The following DNAH11 variants were observed in gnomAD, a reference collection of about 807,000 sequenced individuals.
The protein encoded by DNAH11 is axonemal beta dynein heavy chain 11.
A neutral mutation model predicts 526.0 loss-of-function variants in DNAH11; 442 were observed. The ratio of observed to expected loss-of-function variants is 0.84; its 90% CI spans 0.78 to 0.91. The LOEUF (loss-of-function observed/expected upper bound fraction) is 0.91, where lower values mean the gene tolerates loss of function less well. Ranked by LOEUF, DNAH11 falls within the 40% of genes least tolerant of loss-of-function variation. The probability of loss-of-function intolerance (pLI) is 0.00; values close to 1 mark genes in which losing one functional copy is unlikely to be tolerated. For synonymous variants in DNAH11, 2,461 were observed against 1,935.9 expected, an observed-to-expected ratio of 1.27 and a Z score of -7.12; for missense variants, 6,989 against 5,448.7, an observed-to-expected ratio of 1.28 and a Z score of -8.90.
chr7:21,823,029 A>G (rs1390643812), intron 65 of DNAH11, among the ~76,000 whole-genome samples: 1 of 135,370 alleles, frequency 7.4e-6, no homozygotes, highest in Non-Finnish European at 1.5e-5. Context: ...TTAATCCTTG[A>G]TCAGAAGGAT....
intron 66 of DNAH11, among the ~76,000 whole-genome samples, chr7:21,852,100 C>G (rs12700312): frequency 0.56 from 84,925 of 151,512 alleles, 25,657 homozygotes; most frequent in Non-Finnish European, 0.69. Context: ...ATTAAGGAAA[C>G]TCTGGTTTAA....
intron 28 of DNAH11, among the ~76,000 whole-genome samples, chr7:21,644,284 A>G (rs940482822): frequency 3.3e-5 from 5 of 150,626 alleles, no homozygotes; most frequent in South Asian, 2.1e-4. Flanking sequence ...TTTTATGCAG[A>G]GCTTCCATTT....
At chr7:21,745,876 T>A (rs775496535) in intron 51 of DNAH11, among the ~76,000 whole-genome samples, 4 of 152,104 alleles carry the variant, frequency 2.6e-5, no homozygotes, top group Non-Finnish European at 5.9e-5. Flanking sequence ...GTGCTAAGCA[T>A]GGAAAGATCT....
intron 28 of DNAH11, among the ~76,000 whole-genome samples, chr7:21,644,153 T>G (rs1182823800): frequency 6.6e-6 from 1 of 152,188 alleles, no homozygotes; most frequent in South Asian, 2.1e-4. Flanking sequence ...TAATAGACTG[T>G]AAATATTGGC....
chr7:21,605,857 A>G (rs1266378391), intron 18 of DNAH11, among the ~76,000 whole-genome samples: 1 of 152,196 alleles, frequency 6.6e-6, no homozygotes, highest in African/African-American at 2.4e-5. Context: ...AAAGATTTCC[A>G]TGGATTCTGA....
chr7:21,876,794 C>T (rs1197493732), intron 74 of DNAH11, among the ~76,000 whole-genome samples: 2 of 152,230 alleles, frequency 1.3e-5, no homozygotes, highest in African/African-American at 4.8e-5. Context: ...CTTTGTTGTG[C>T]AAGTGCTTCC....
intron 30 of DNAH11, among the ~76,000 whole-genome samples, chr7:21,668,959 G>T (rs1345297005): frequency 1.3e-5 from 2 of 152,182 alleles, no homozygotes; most frequent in African/African-American, 2.4e-5. Flanking sequence ...CCGAATTTCA[G>T]TTGCTTTATA....
At chr7:21,871,288 T>C (rs1783486048) in intron 73 of DNAH11, among the ~76,000 whole-genome samples, 1 of 152,210 alleles carries the variant, frequency 6.6e-6, no homozygotes, top group African/African-American at 2.4e-5. Flanking sequence ...AAAATGACCA[T>C]TTTTCATGCA....
intron 69 of DNAH11, among the ~76,000 whole-genome samples, chr7:21,862,239 G>T (rs182786734): frequency 6.6e-6 from 1 of 151,716 alleles, no homozygotes; most frequent in South Asian, 2.1e-4. Flanking sequence ...GAGTGGGGCC[G>T]GTGGGGTGGG....
At chr7:21,643,496 G>T (rs984430422) in intron 28 of DNAH11, among the ~76,000 whole-genome samples, 1 of 152,198 alleles carries the variant, frequency 6.6e-6, no homozygotes, top group African/African-American at 2.4e-5. Context: ...CTGTCAACGT[G>T]ATTGGCTCTA....
intron 6 of DNAH11, among the ~76,000 whole-genome samples, chr7:21,566,594 A>G (rs1334823962): frequency 8.9e-6 from 1 of 112,234 alleles, no homozygotes; most frequent in Non-Finnish European, 1.9e-5. Flanking sequence ...TAGTAGCTTC[A>G]TTTTATAATG....
At chr7:21,855,519 A>G (rs536574599) in intron 68 of DNAH11, among the ~76,000 whole-genome samples, 2 of 152,354 alleles carry the variant, frequency 1.3e-5, no homozygotes, top group East Asian at 1.9e-4. Flanking sequence ...TTACATCTCA[A>G]TAAAGAATAT....
Position 21,749,723 on chromosome 7 carries a change from C to T in DNAH11, c.8719C>T (p.Pro2907Ser). The T allele has an allele frequency of 1.2e-6, 2 of 1,613,978 alleles. No individual in the cohort carries two copies. The highest frequency in any genetic ancestry group is 1.7e-6 in the Non-Finnish European group (2 of 1,179,862). Residue 2907 changes from proline (P) to serine (S), a missense_variant, in exon 53 of 82, where the codon CCC becomes TCC. Transcript: ENST00000409508. ...LYIRTGAKNM[P>S]TVFLLTDAQV... The stretch of plus-strand genomic sequence containing the variant: ...CATCCGAACTGGAGCCAAGAACATG[C>T]CCACTGTGTTCCTGCTGACAGATGC...
At chr7:21,601,946 C>T (rs1460827163) in intron 18 of DNAH11, among the ~76,000 whole-genome samples, 1 of 151,704 alleles carries the variant, frequency 6.6e-6, no homozygotes. Context: ...CATCATTTTT[C>T]ACACATGAAA....
intron 35 of DNAH11, among the ~76,000 whole-genome samples, chr7:21,696,260 A>T (rs1461257475): frequency 6.6e-6 from 1 of 151,992 alleles, no homozygotes; most frequent in African/African-American, 2.4e-5. Flanking sequence ...ACCATATTTC[A>T]TTTGTATTTT....
At chr7:21,854,923 T>C (rs950376822) in intron 68 of DNAH11, among the ~76,000 whole-genome samples, 14 of 152,166 alleles carry the variant, frequency 9.2e-5, no homozygotes, top group Admixed American at 9.2e-4. Context: ...GCAAAATTCT[T>C]ATTCTCAGGA....
intron 44 of DNAH11, among the ~76,000 whole-genome samples, chr7:21,721,120 G>A (rs553978692): frequency 2.8e-4 from 43 of 152,170 alleles, no homozygotes; most frequent in Admixed American, 2.1e-3. Context: ...CTGGGGCCTC[G>A]CCTTCAGCAT....
At chr7:21,849,159 A>T (rs554796681) in intron 66 of DNAH11, among the ~76,000 whole-genome samples, 390 of 152,360 alleles carry the variant, frequency 2.6e-3, no homozygotes, top group Non-Finnish European at 4.4e-3. Context: ...TGCTGGGATT[A>T]CGGGCATGAG....
chr7:21,749,912 C>G, intron 53 of DNAH11, 111 bp downstream of exon 53: 1 of 1,514,472 alleles, frequency 6.6e-7, no homozygotes, highest in Admixed American at 1.9e-5. Flanking sequence ...GCTGGGCAGT[C>G]TTTGGGGAGA....
Sources: allele counts gnomAD v4.1 joint callset (sites outside exome capture counted in the v4.1 genomes callset), GRCh38; gene constraint gnomAD v4.1.1; transcripts MANE v1.5; gene names NCBI Gene and HGNC (gene_info 2026-07-23, HGNC 2026-07-21).